The following RANBP17 variants were observed in gnomAD, a reference collection of about 807,000 sequenced individuals.
RANBP17 encodes the protein RAN binding protein 17.
In RANBP17, 158 loss-of-function variants were observed where a neutral mutation model predicts 141.2. That is an observed-to-expected ratio of 1.12 (90% CI 0.98 to 1.28). The LOEUF is 1.28. Among genes scored for constraint, RANBP17 ranks in the 50% most tolerant of loss-of-function variants. The probability of loss-of-function intolerance (pLI) is 0.00; values close to 1 mark genes in which losing one functional copy is unlikely to be tolerated. For synonymous variants in RANBP17, 430 were observed against 450.0 expected (o/e 0.96, Z 0.56); for missense variants, 1,438 against 1,290.7 (o/e 1.11, Z -1.75).
At chr5:171,142,193 G>A (rs1440089113) in intron 14 of RANBP17, among the ~76,000 whole-genome samples, 1 of 151,944 alleles carries the variant, frequency 6.6e-6, no homozygotes, top group Non-Finnish European at 1.5e-5. Context: ...TTTGTCTTCT[G>A]TGCTCTATAT....
chr5:171,025,574 T>A (rs1252683046), intron 14 of RANBP17, among the ~76,000 whole-genome samples: 1 of 143,616 alleles, frequency 7.0e-6, no homozygotes, highest in Non-Finnish European at 1.5e-5. Flanking sequence ...TCCTTTTTTT[T>A]TTCTTTTTTT....
chr5:171,265,906 C>T, intron 25 of RANBP17, 59 bp downstream of exon 25: 1 of 1,502,398 alleles, frequency 6.7e-7, no homozygotes, highest in Non-Finnish European at 9.1e-7. Flanking sequence ...CCATACCTGG[C>T]CCCGAATTTA....
chr5:171,160,576 T>A (rs1343858932), intron 14 of RANBP17, among the ~76,000 whole-genome samples: 1 of 152,192 alleles, frequency 6.6e-6, no homozygotes, highest in Non-Finnish European at 1.5e-5. Context: ...TCAAAATTAC[T>A]TAGTAAGTGG....
At chr5:171,076,945 G>A (rs1784962467) in intron 14 of RANBP17, among the ~76,000 whole-genome samples, 1 of 152,140 alleles carries the variant, frequency 6.6e-6, no homozygotes, top group African/African-American at 2.4e-5. Context: ...AAATGAAGGA[G>A]GAAGGAATGA....
At chr5:170,934,779 T>G (rs558823134) in intron 12 of RANBP17, among the ~76,000 whole-genome samples, 2 of 152,310 alleles carry the variant, frequency 1.3e-5, no homozygotes, top group South Asian at 4.1e-4. Flanking sequence ...GACAATTATG[T>G]GTCTTGGAGT....
intron 8 of RANBP17, among the ~76,000 whole-genome samples, chr5:170,914,889 G>A (rs1260275189): frequency 6.6e-6 from 1 of 152,088 alleles, no homozygotes; most frequent in African/African-American, 2.4e-5. Flanking sequence ...AAGCTGGGGA[G>A]TTCTAATATT....
intron 14 of RANBP17, among the ~76,000 whole-genome samples, chr5:170,995,207 G>A (rs145463257): frequency 2.0e-5 from 3 of 152,118 alleles, no homozygotes; most frequent in African/African-American, 7.2e-5. Context: ...CATGTTGTAT[G>A]CATATCTTTT....
At chr5:171,141,372 G>A (rs910686553) in intron 14 of RANBP17, among the ~76,000 whole-genome samples, 1 of 151,362 alleles carries the variant, frequency 6.6e-6, no homozygotes, top group Non-Finnish European at 1.5e-5. Flanking sequence ...CGAGGTGGGC[G>A]GATCACAAGG....
chr5:170,968,208 C>G (rs771506379), intron 13 of RANBP17, 34 bp from the exon 14 acceptor site: 1 of 1,470,664 alleles, frequency 6.8e-7, no homozygotes, highest in Non-Finnish European at 9.1e-7. Flanking sequence ...AGGTTTTGTA[C>G]TGAAGGTTTT....
chr5:171,085,023 A>G (rs1446366166), intron 14 of RANBP17, among the ~76,000 whole-genome samples: 535 of 50,028 alleles, frequency 0.011, 9 homozygotes, highest in African/African-American at 0.039. Context: ...TGTTTTGGAC[A>G]TGAAGTCCTT....
intron 14 of RANBP17, among the ~76,000 whole-genome samples, chr5:171,014,603 T>C (rs1038522218): frequency 4.6e-5 from 7 of 152,046 alleles, no homozygotes; most frequent in African/African-American, 1.7e-4. Flanking sequence ...CTGACCTTGT[T>C]CTATTGTTGT....
intron 21 of RANBP17, among the ~76,000 whole-genome samples, chr5:171,219,361 T>G (rs978465077): frequency 1.3e-5 from 2 of 152,176 alleles, no homozygotes; most frequent in African/African-American, 4.8e-5. Flanking sequence ...ATCTGACGAT[T>G]ATGTGTCTCA....
intron 12 of RANBP17, 183 bp downstream of exon 12, chr5:170,924,733 T>TC: frequency 4.3e-6 from 2 of 464,174 alleles, no homozygotes; most frequent in South Asian, 9.6e-5. Flanking sequence ...TTTTTTTTTT[T>TC]TTCAGTTTTC....
intron 14 of RANBP17, among the ~76,000 whole-genome samples, chr5:171,125,418 CAAAG>C (rs1437716993): frequency 7.5e-6 from 1 of 134,226 alleles, no homozygotes; most frequent in African/African-American, 2.8e-5. Flanking sequence ...AAAAGAGAGA[CAAAG>C]AAGGTCATTA....
intron 14 of RANBP17, among the ~76,000 whole-genome samples, chr5:171,128,175 G>T (rs997493051): frequency 5.3e-5 from 8 of 152,006 alleles, no homozygotes; most frequent in Non-Finnish European, 1.0e-4. Context: ...AAGAATATCA[G>T]TATATCAAAG....
At chr5:171,035,745 T>TG (rs1482779021) in intron 14 of RANBP17, among the ~76,000 whole-genome samples, 5 of 150,356 alleles carry the variant, frequency 3.3e-5, no homozygotes, top group South Asian at 2.1e-4. Flanking sequence ...TTGTTTTTTT[T>TG]TTTTTTTTTT....
At chr5:171,265,089 A>T (rs1438550484) in intron 24 of RANBP17, among the ~76,000 whole-genome samples, 1 of 152,230 alleles carries the variant, frequency 6.6e-6, no homozygotes, top group Non-Finnish European at 1.5e-5. Flanking sequence ...AGCACTTTGC[A>T]CTAAGTAGAT....
At chr5:171,281,313 A>G (rs564249298) in intron 25 of RANBP17, among the ~76,000 whole-genome samples, 15 of 152,244 alleles carry the variant, frequency 9.9e-5, no homozygotes, top group Non-Finnish European at 1.9e-4. Context: ...CACCAAGGCA[A>G]CCTACCAGAA....
chr5:171,066,616 T>C (rs1784328139), intron 14 of RANBP17, among the ~76,000 whole-genome samples: 1 of 152,264 alleles, frequency 6.6e-6, no homozygotes, highest in Non-Finnish European at 1.5e-5. Context: ...TTCCAAATAA[T>C]GCTGCAGTGA....
Sources: gnomAD v4.1 joint callset for allele counts (sites outside exome capture counted in the v4.1 genomes callset) on GRCh38, gnomAD v4.1.1 for gene constraint, MANE v1.5 for transcripts, NCBI Gene and HGNC (gene_info 2026-07-23, HGNC 2026-07-21) for gene names.